RELN: variants seen among roughly 807,000 people sequenced by gnomAD.
The protein encoded by RELN is reelin.
A neutral mutation model predicts 427.6 loss-of-function variants in RELN; 108 were observed. The ratio of observed to expected loss-of-function variants is 0.25; its 90% CI spans 0.22 to 0.30. RELN has a LOEUF of 0.30. Ranked by LOEUF, RELN falls within the 10% of genes least tolerant of loss-of-function variation. RELN has a pLI of 1.00. For synonymous variants in RELN, 1,524 were observed against 1,513.4 expected, an observed-to-expected ratio of 1.01 and a Z score of -0.16; for missense variants, 3,715 against 4,302.8, an observed-to-expected ratio of 0.86 and a Z score of 3.82.
intron 4 of RELN, among the ~76,000 whole-genome samples, chr7:103,773,102 T>TTCTTTCTTTCTTTCTTTCTC (rs1442543074): frequency 2.5e-4 from 5 of 20,106 alleles, no homozygotes; most frequent in Non-Finnish European, 6.1e-4. Context: ...TTCTCCTCTT[T>TTCTTTCTTTCTTTCTTTCTC]TCTTTCTTTC....
rs1442114983 is a variant in RELN at position 103,539,195 on chromosome 7, C to A, written c.7063G>T (p.Val2355Phe). ...CGGGTGCTGGCCTTTTCAATGAAGA[C>A]CAGGGCATCACCAGTAGAGCCACAC... is the stretch of plus-strand genomic sequence containing the variant. ...PVCGSTGDAL[V>F]FIEKASTRYV... The change falls in exon 45 of 65, where the codon GTC becomes TTC. Residue 2355 changes from valine (V) to phenylalanine (F), a missense_variant. Coordinates refer to ENST00000428762, the MANE Select transcript of RELN (RefSeq NM_005045.4). The A allele has an allele frequency of 3.1e-6, 5 of 1,614,232 alleles. No homozygotes were observed. Among genetic ancestry groups the A allele is most frequent in the Non-Finnish European group, 3.4e-6 (4 of 1,180,042 alleles).
chr7:103,959,092 G>A (rs992079500), intron 1 of RELN, among the ~76,000 whole-genome samples: 14 of 151,952 alleles, frequency 9.2e-5, no homozygotes, highest in African/African-American at 3.1e-4. Context: ...ACAGGCACCT[G>A]CCATCACACC....
At chr7:103,532,549 T>C (rs1239811918) in intron 46 of RELN, among the ~76,000 whole-genome samples, 1 of 152,152 alleles carries the variant, frequency 6.6e-6, no homozygotes, top group African/African-American at 2.4e-5. Flanking sequence ...TAAGTGTTCC[T>C]ATAATGAACC....
At chr7:103,927,713 A>G (rs766611690) in intron 1 of RELN, among the ~76,000 whole-genome samples, 1 of 152,188 alleles carries the variant, frequency 6.6e-6, no homozygotes, top group African/African-American at 2.4e-5. Context: ...ATTTCTTAAA[A>G]TAACAGAATA....
rs566180350 is a variant in RELN, at chr7:103,693,941, A to G, written c.1143+3912T>C. ...TTTTAATACTTTTTCTTCCTTAAAT[A>G]CACAATAGTTTGCCCATCAGTAGCT... On this transcript the variant is annotated intron_variant, in intron 10 of 64. Transcript: ENST00000428762. Among the ~76,000 whole-genome samples the G allele has an allele frequency of 7.2e-5, 11 of 152,268 alleles. No homozygotes were observed. In the South Asian group the frequency reaches 2.3e-3, roughly 32 times the overall value.
chr7:103,519,251 C>G, intron 49 of RELN, 72 bp downstream of exon 49: 1 of 1,203,486 alleles, frequency 8.3e-7, no homozygotes, highest in East Asian at 2.3e-5. Flanking sequence ...CCCCCTCAGT[C>G]TCCCGTGACT....
At chr7:103,682,382 C>G (rs1252747812) in intron 10 of RELN, 121 bp from the exon 11 acceptor site, 1 of 1,013,020 alleles carries the variant, frequency 9.9e-7, no homozygotes, top group Non-Finnish European at 1.5e-6. Flanking sequence ...ATGATGGACT[C>G]TCAAATCAAA....
chr7:103,535,214 C>A (rs762729156), intron 46 of RELN, 102 bp downstream of exon 46: 42 of 1,140,516 alleles, frequency 3.7e-5, no homozygotes, highest in Non-Finnish European at 5.3e-5. Flanking sequence ...TAGCAATTAA[C>A]AAAACCCTCA....
chr7:103,538,922 A>T (rs1050036079), intron 45 of RELN, among the ~76,000 whole-genome samples, 156 bp downstream of exon 45: 3 of 152,236 alleles, frequency 2.0e-5, no homozygotes, highest in Admixed American at 2.0e-4. Context: ...TTTTTAATAC[A>T]TGCAGTATTT....
At chr7:103,859,814 A>C (rs1309178148) in intron 2 of RELN, among the ~76,000 whole-genome samples, 2 of 152,200 alleles carry the variant, frequency 1.3e-5, no homozygotes, top group South Asian at 2.1e-4. Context: ...AATGTGAGTA[A>C]GTGGAGCATA....
intron 20 of RELN, among the ~76,000 whole-genome samples, chr7:103,623,583 C>T (rs1832265251): frequency 6.6e-6 from 1 of 152,158 alleles, no homozygotes; most frequent in East Asian, 1.9e-4. Flanking sequence ...ACAATCCTTA[C>T]ATTAGTATCA....
chr7:103,500,949 T>A (rs1829006564), intron 52 of RELN, 27 bp from the exon 53 acceptor site: 1 of 1,611,906 alleles, frequency 6.2e-7, no homozygotes, highest in Admixed American at 1.7e-5. Context: ...AGCAAAGGAG[T>A]GAAAAACAAA....
At chr7:103,960,944 T>C (rs1796540493) in intron 1 of RELN, among the ~76,000 whole-genome samples, 1 of 152,222 alleles carries the variant, frequency 6.6e-6, no homozygotes, top group Admixed American at 6.5e-5. Context: ...CGGGCAAACT[T>C]TTATGGATAG....
chr7:103,745,468 G>A (rs1344187444), intron 6 of RELN, among the ~76,000 whole-genome samples: 4 of 146,506 alleles, frequency 2.7e-5, no homozygotes, highest in Admixed American at 6.7e-5. Context: ...AAAAGAGGAA[G>A]TCAAATTGTC....
chr7:103,706,009 C>T (rs752000105), intron 8 of RELN, among the ~76,000 whole-genome samples: 3 of 152,136 alleles, frequency 2.0e-5, no homozygotes, highest in East Asian at 1.9e-4. Context: ...TGTTCATGGG[C>T]TAAATTTTAA....
chr7:103,660,224 T>A (rs1450010186), intron 12 of RELN, among the ~76,000 whole-genome samples: 2 of 152,098 alleles, frequency 1.3e-5, no homozygotes, highest in Non-Finnish European at 2.9e-5. Flanking sequence ...TACTAAATGT[T>A]TATTACAACT....
At chr7:103,561,368 G>A (rs1283851339) in intron 36 of RELN, among the ~76,000 whole-genome samples, 164 bp downstream of exon 36, 1 of 152,158 alleles carries the variant, frequency 6.6e-6, no homozygotes, top group Non-Finnish European at 1.5e-5. Context: ...ATGAAAAAAT[G>A]ATTGCACTCA....
intron 9 of RELN, 41 bp from the exon 10 acceptor site, chr7:103,698,134 T>A (rs770196207): frequency 3.7e-6 from 6 of 1,612,102 alleles, no homozygotes; most frequent in Non-Finnish European, 5.1e-6. Flanking sequence ...CAATGCTGAC[T>A]TTTTCTTTCT....
chr7:103,533,598 C>T (rs1179257876), intron 46 of RELN, among the ~76,000 whole-genome samples: 1 of 152,014 alleles, frequency 6.6e-6, no homozygotes, highest in Non-Finnish European at 1.5e-5. Context: ...TGTACATGAG[C>T]CTTGAGGGTA....
Sources: allele counts gnomAD v4.1 joint callset (sites outside exome capture counted in the v4.1 genomes callset), GRCh38; gene constraint gnomAD v4.1.1; transcripts MANE v1.5; gene names NCBI Gene and HGNC (gene_info 2026-07-23, HGNC 2026-07-21).